Variants in TMEM178B observed in about 807,000 individuals in gnomAD.
TMEM178B encodes the protein transmembrane protein 178B.
A neutral mutation model predicts 31.0 loss-of-function variants in TMEM178B; 5 were observed. That is an observed-to-expected ratio of 0.16 (90% CI 0.08 to 0.34). TMEM178B has a LOEUF of 0.34. Ranked by LOEUF, TMEM178B falls within the 10% of genes least tolerant of loss-of-function variation. The probability of loss-of-function intolerance (pLI) is 1.00; values close to 1 mark genes in which losing one functional copy is unlikely to be tolerated. For missense variants in TMEM178B, 275 were observed against 400.3 expected, an observed-to-expected ratio of 0.69 and a Z score of 2.67; for synonymous variants, 164 against 164.0, an observed-to-expected ratio of 1.00 and a Z score of 0.00.
At chr7:141,268,635 A>G (rs916118948) in intron 2 of TMEM178B, among the ~76,000 whole-genome samples, 9 of 152,264 alleles carry the variant, frequency 5.9e-5, no homozygotes, top group African/African-American at 2.2e-4. Flanking sequence ...TCAGCTGCAG[A>G]CAAGAACAGA....
Position 141,148,360 on chromosome 7 carries a change from G to C in TMEM178B, c.383-64231G>C, listed in dbSNP as rs117771584. On this transcript the variant is annotated intron_variant, in intron 1 of 3. Transcript: ENST00000565468. ...AGCGATTAGGATGTGAACATCTTTA[G>C]AGGAGCATTATTCTGTCTACCACAA... 6.1e-4 allele frequency among the ~76,000 whole-genome samples: 93 copies of C among 152,294 alleles called. No individual in the cohort carries two copies. In the East Asian group the frequency reaches 6.9e-3, roughly 11 times the overall value.
chr7:141,195,857 A>C (rs1365841005), intron 1 of TMEM178B, among the ~76,000 whole-genome samples: 1 of 152,226 alleles, frequency 6.6e-6, no homozygotes, highest in African/African-American at 2.4e-5. Context: ...TGGCAGCAGC[A>C]AGAGAAAATG....
intron 2 of TMEM178B, among the ~76,000 whole-genome samples, chr7:141,364,378 G>A (rs889759466): frequency 1.4e-4 from 21 of 152,140 alleles, no homozygotes; most frequent in African/African-American, 4.6e-4. Context: ...TAAAAAGTTG[G>A]GGCTGGGCAC....
At chr7:141,469,825 A>G (rs1374098976) in intron 3 of TMEM178B, among the ~76,000 whole-genome samples, 1 of 152,034 alleles carries the variant, frequency 6.6e-6, no homozygotes, top group Non-Finnish European at 1.5e-5. Context: ...TCCCATCATC[A>G]ATAAGTTTGT....
At chr7:141,079,632 TCA>T (rs924072678) in intron 1 of TMEM178B, among the ~76,000 whole-genome samples, 10 of 152,210 alleles carry the variant, frequency 6.6e-5, no homozygotes, top group African/African-American at 2.2e-4. Context: ...TATCATCAAC[TCA>T]CAGAATTCTC....
rs1278757479 is a variant in TMEM178B, at chr7:141,473,949, G to C, written c.*3163G>C. 1 of 152,356 alleles carries C rather than the reference G, an allele frequency of 6.6e-6. No homozygotes were observed. Among genetic ancestry groups the C allele is most frequent in the Non-Finnish European group, 1.5e-5 (1 of 68,180 alleles). 9.4% of individuals were successfully genotyped at this position (152,356 alleles called of 1,614,324 possible). ...AGCTGAGGGAGATGAGGAGGAGGAA[G>C]AGAGGAGCCTTGACTTGTGAGGCTC... On this transcript the variant is annotated 3_prime_UTR_variant, in exon 4 of 4. Coordinates refer to ENST00000565468, the MANE Select transcript of TMEM178B (RefSeq NM_001195278.2).
chr7:141,183,945 C>T (rs1288141911), intron 1 of TMEM178B, among the ~76,000 whole-genome samples: 1 of 152,154 alleles, frequency 6.6e-6, no homozygotes, highest in Non-Finnish European at 1.5e-5. Flanking sequence ...CACGTTCAGA[C>T]ACGATGGAAC....
chr7:141,461,268 G>T lies in TMEM178B; in HGVS notation c.635-9268G>T, dbSNP rs992996120. On this transcript the variant is annotated intron_variant, in intron 3 of 3. Coordinates refer to ENST00000565468, the MANE Select transcript of TMEM178B (RefSeq NM_001195278.2). The surrounding 1 kb of genome is among the most constrained non-coding windows in gnomAD (Gnocchi z 4.0). ...TGGGTGTTTCTGCAGAGCCTGCCTT[G>T]CAGCGACCTGTAGGGCTCCAGTCAG... Among the ~76,000 whole-genome samples the T allele has an allele frequency of 6.6e-6, 1 of 152,174 alleles. No homozygotes were observed. The highest frequency in any genetic ancestry group is 1.5e-5 in the Non-Finnish European group (1 of 68,038).
chr7:141,336,975 C>G (rs1195777656), intron 2 of TMEM178B, among the ~76,000 whole-genome samples: 2 of 103,422 alleles, frequency 1.9e-5, no homozygotes, highest in Non-Finnish European at 3.9e-5. Flanking sequence ...ACCACCACCA[C>G]CACCACCCCC....
At chr7:141,294,932 A>C (rs1331469520) in intron 2 of TMEM178B, among the ~76,000 whole-genome samples, 1 of 152,074 alleles carries the variant, frequency 6.6e-6, no homozygotes, top group African/African-American at 2.4e-5. Flanking sequence ...TCAGGCAAAC[A>C]TGGGCCCTTT....
intron 2 of TMEM178B, among the ~76,000 whole-genome samples, chr7:141,364,890 G>A (rs1799977627): frequency 6.6e-6 from 1 of 150,876 alleles, no homozygotes; most frequent in South Asian, 2.1e-4. Context: ...TCATGATGCT[G>A]TGTGAGAATA....
At chr7:141,407,196 C>T (rs1800899408) in intron 2 of TMEM178B, among the ~76,000 whole-genome samples, 1 of 152,230 alleles carries the variant, frequency 6.6e-6, no homozygotes, top group Non-Finnish European at 1.5e-5. Context: ...GAAAAGTTTG[C>T]TGGCTTCTGC....
intron 2 of TMEM178B, among the ~76,000 whole-genome samples, chr7:141,322,793 A>G (rs6952656): frequency 0.15 from 23,002 of 152,074 alleles, 2,501 homozygotes; most frequent in African/African-American, 0.3. Flanking sequence ...GAATGAGAGC[A>G]GGTGGCTAGG....
chr7:141,136,460 G>A (rs1458452311), intron 1 of TMEM178B, among the ~76,000 whole-genome samples: 1 of 152,110 alleles, frequency 6.6e-6, no homozygotes, highest in Admixed American at 6.5e-5. Context: ...CATTGGTCCA[G>A]GCAAAGATTT....
chr7:141,347,326 C>T (rs1441562338), intron 2 of TMEM178B, among the ~76,000 whole-genome samples: 1 of 152,044 alleles, frequency 6.6e-6, no homozygotes, highest in Non-Finnish European at 1.5e-5. Flanking sequence ...TGGAGGAGGG[C>T]CATGATATTG....
chr7:141,292,183 T>A (rs1798557970), intron 2 of TMEM178B, among the ~76,000 whole-genome samples: 1 of 152,218 alleles, frequency 6.6e-6, no homozygotes, highest in African/African-American at 2.4e-5. Flanking sequence ...TTAAATGTTC[T>A]GTGAAGCATG....
At chr7:141,339,558 C>T (rs60014512) in intron 2 of TMEM178B, among the ~76,000 whole-genome samples, 6,943 of 152,204 alleles carry the variant, frequency 0.046, 382 homozygotes, top group African/African-American at 0.13. Flanking sequence ...TTTTTTAAAA[C>T]TAGGGAGTTC....
At chr7:141,170,884 G>A (rs1332860314) in intron 1 of TMEM178B, among the ~76,000 whole-genome samples, 1 of 152,014 alleles carries the variant, frequency 6.6e-6, no homozygotes, top group Non-Finnish European at 1.5e-5. Context: ...CCCTGAATAC[G>A]CCAAACTGCA....
At chr7:141,307,539 G>A (rs559813818) in intron 2 of TMEM178B, among the ~76,000 whole-genome samples, 1 of 152,310 alleles carries the variant, frequency 6.6e-6, no homozygotes, top group South Asian at 2.1e-4. Context: ...GACTCTGCCG[G>A]AGCACATATA....
Sources: allele counts gnomAD v4.1 joint callset (sites outside exome capture counted in the v4.1 genomes callset), GRCh38; gene constraint gnomAD v4.1.1; non-coding constraint Gnocchi (gnomAD v3.1); transcripts MANE v1.5; gene names NCBI Gene and HGNC (gene_info 2026-07-23, HGNC 2026-07-21).